Variants in STK33 observed in about 807,000 individuals in gnomAD.
The protein encoded by STK33 is serine/threonine-protein kinase 33.
In STK33, 52 loss-of-function variants were observed where a neutral mutation model predicts 58.0. The observed-to-expected ratio is 0.90, with a 90% CI of 0.72 to 1.13. The LOEUF (loss-of-function observed/expected upper bound fraction) is 1.13. Ranked by LOEUF, STK33 falls within the 50% of genes most tolerant of loss-of-function variation. The pLI is 0.00. For synonymous variants in STK33, 215 were observed against 200.1 expected, an observed-to-expected ratio of 1.07 and a Z score of -0.63; for missense variants, 630 against 604.2, an observed-to-expected ratio of 1.04 and a Z score of -0.45.
At chr11:8,509,515 A>AT (rs1952139143) in intron 1 of STK33, among the ~76,000 whole-genome samples, 1 of 152,098 alleles carries the variant, frequency 6.6e-6, no homozygotes, top group African/African-American at 2.4e-5. Context: ...AAAATAGTAC[A>AT]TTTTTTATTT....
At chr11:8,501,965 T>A (rs910979927) in intron 1 of STK33, among the ~76,000 whole-genome samples, 2 of 152,162 alleles carry the variant, frequency 1.3e-5, no homozygotes, top group African/African-American at 2.4e-5. Context: ...TCTATTTATA[T>A]GAAATGTCCA....
chr11:8,495,082 G>A (rs370984054), intron 1 of STK33, among the ~76,000 whole-genome samples: 68 of 152,174 alleles, frequency 4.5e-4, no homozygotes, highest in East Asian at 2.7e-3. Flanking sequence ...AACAAAAGCC[G>A]AAATTGACAA....
At chr11:8,377,673 A>G in the STK33 span, among the ~76,000 whole-genome samples, 1 of 152,164 alleles carries the variant, frequency 6.6e-6, no homozygotes, top group African/African-American at 2.4e-5. Flanking sequence ...AGGTCAAACT[A>G]CAGCTGTTTA....
At chr11:8,464,199 T>C (rs1042231638) in intron 7 of STK33, among the ~76,000 whole-genome samples, 4 of 152,158 alleles carry the variant, frequency 2.6e-5, no homozygotes, top group African/African-American at 7.2e-5. Flanking sequence ...AGAGGAAATC[T>C]AGTGAGGAGT....
At chr11:8,547,027 T>A (rs917711802) in intron 1 of STK33, among the ~76,000 whole-genome samples, 1 of 152,218 alleles carries the variant, frequency 6.6e-6, no homozygotes, top group Non-Finnish European at 1.5e-5. Context: ...TTTAAATTCC[T>A]ACCAACAGTG....
At chr11:8,592,992 T>A (rs1457356816) in intron 1 of STK33, among the ~76,000 whole-genome samples, 1 of 152,186 alleles carries the variant, frequency 6.6e-6, no homozygotes, top group Non-Finnish European at 1.5e-5. Context: ...GAGACAGAGA[T>A]ACTCAAATGG....
chr11:8,522,667 T>C (rs968224895), intron 1 of STK33, among the ~76,000 whole-genome samples: 6 of 152,034 alleles, frequency 3.9e-5, no homozygotes, highest in African/African-American at 7.2e-5. Context: ...AAAAGCAAGA[T>C]TACATCAAAC....
intron 14 of STK33, among the ~76,000 whole-genome samples, chr11:8,426,377 G>A (rs969673500): frequency 2.6e-5 from 4 of 152,190 alleles, no homozygotes; most frequent in Admixed American, 1.3e-4. Context: ...CTAGGGTCTC[G>A]GGTTTTTTAC....
chr11:8,353,289 A>C, the STK33 span, among the ~76,000 whole-genome samples: 1 of 152,240 alleles, frequency 6.6e-6, no homozygotes, highest in African/African-American at 2.4e-5. Context: ...GGCCACACCC[A>C]GTCAATAGCT....
the STK33 span, among the ~76,000 whole-genome samples, chr11:8,359,852 A>G: frequency 6.6e-6 from 1 of 152,254 alleles, no homozygotes; most frequent in Admixed American, 6.5e-5. Context: ...CTTAGCAGCA[A>G]GAGAAAGGCC....
chr11:8,361,654 C>T, the STK33 span, among the ~76,000 whole-genome samples: 8 of 152,238 alleles, frequency 5.3e-5, no homozygotes, highest in African/African-American at 2.4e-5. The surrounding 1 kb of genome is among the most constrained non-coding windows in gnomAD (Gnocchi z 4.8). Flanking sequence ...TCCCTCAAAG[C>T]CTAGCTTGTC....
At chr11:8,463,887 C>T (rs910942899) in intron 7 of STK33, among the ~76,000 whole-genome samples, 5 of 152,140 alleles carry the variant, frequency 3.3e-5, no homozygotes, top group African/African-American at 9.7e-5. Flanking sequence ...TAGGATGCTA[C>T]CCGAATTCTA....
intron 1 of STK33, among the ~76,000 whole-genome samples, chr11:8,481,874 C>T (rs1949832110): frequency 6.6e-6 from 1 of 152,126 alleles, no homozygotes; most frequent in Admixed American, 6.5e-5. Context: ...TTACCTACTC[C>T]CCAACATCTA....
chr11:8,420,507 C>T (rs7939568), intron 14 of STK33, among the ~76,000 whole-genome samples: 29,079 of 152,106 alleles, frequency 0.19, 3,404 homozygotes, highest in African/African-American at 0.31. Flanking sequence ...GCCTTCTACT[C>T]AGTGTATTCT....
intron 1 of STK33, among the ~76,000 whole-genome samples, chr11:8,496,915 A>G (rs1007268921): frequency 6.6e-6 from 1 of 152,064 alleles, no homozygotes; most frequent in African/African-American, 2.4e-5. Context: ...CCCCCAAATT[A>G]AAAAAACAAG....
chr11:8,477,634 C>A (rs1949405570), intron 2 of STK33, among the ~76,000 whole-genome samples: 1 of 152,066 alleles, frequency 6.6e-6, no homozygotes, highest in Non-Finnish European at 1.5e-5. Context: ...TCAATGGAAT[C>A]TTTAAATATT....
chr11:8,547,092 G>A (rs1377592459), intron 1 of STK33, among the ~76,000 whole-genome samples: 2 of 152,082 alleles, frequency 1.3e-5, no homozygotes, highest in African/African-American at 4.8e-5. Context: ...TTTTCCTTTT[G>A]GAGAATAGCC....
At chr11:8,375,266 T>C in the STK33 span, among the ~76,000 whole-genome samples, 1 of 152,232 alleles carries the variant, frequency 6.6e-6, no homozygotes, top group African/African-American at 2.4e-5. Context: ...TTATTTGCAA[T>C]AGGGTTTCCA....
At chr11:8,587,720 T>C (rs190973603) in intron 1 of STK33, among the ~76,000 whole-genome samples, 138 of 152,246 alleles carry the variant, frequency 9.1e-4, no homozygotes, top group Non-Finnish European at 1.8e-3. Context: ...GGCCTCTTCT[T>C]GGGAAAGGGC....
Sources: gnomAD v4.1 joint callset for allele counts (sites outside exome capture counted in the v4.1 genomes callset) on GRCh38, gnomAD v4.1.1 for gene constraint, Gnocchi (gnomAD v3.1) non-coding constraint, MANE v1.5 for transcripts, NCBI Gene and HGNC (gene_info 2026-07-23, HGNC 2026-07-21) for gene names.